ART3: variants seen among roughly 807,000 people sequenced by gnomAD.
ART3 encodes the protein ecto-ADP-ribosyltransferase 3.
Under a neutral mutation model 48.5 loss-of-function variants are expected in ART3, and 49 were observed. That is an observed-to-expected ratio of 1.01 (90% CI 0.80 to 1.28). The LOEUF (loss-of-function observed/expected upper bound fraction) is 1.28. Ranked by LOEUF, ART3 falls within the 50% of genes most tolerant of loss-of-function variation. The probability of loss-of-function intolerance (pLI) is 0.00; values close to 1 mark genes in which losing one functional copy is unlikely to be tolerated. For missense variants in ART3, 438 were observed against 454.3 expected (o/e 0.96, Z 0.33); for synonymous variants, 145 against 157.2 (o/e 0.92, Z 0.58).
intron 1 of ART3, among the ~76,000 whole-genome samples, chr4:76,064,826 T>C (rs1196585438): frequency 1.6e-5 from 2 of 127,330 alleles, no homozygotes; most frequent in Non-Finnish European, 3.2e-5. Context: ...AGTTGGAATA[T>C]TGAGTAAATT....
At chr4:76,024,282 A>T (rs1423797894) in intron 1 of ART3, among the ~76,000 whole-genome samples, 1 of 152,004 alleles carries the variant, frequency 6.6e-6, no homozygotes, top group South Asian at 2.1e-4. Context: ...TTTTTGAGGA[A>T]ATGAATTTAA....
intron 1 of ART3, among the ~76,000 whole-genome samples, chr4:76,068,624 T>A (rs60122798): frequency 0.21 from 31,197 of 151,652 alleles, 5,469 homozygotes; most frequent in African/African-American, 0.48. Context: ...TGGGGCCTAC[T>A]TGAGGGTGGA....
At chr4:76,050,084 C>T (rs7376624) in intron 1 of ART3, among the ~76,000 whole-genome samples, 91,070 of 149,418 alleles carry the variant, frequency 0.61, 28,791 homozygotes, top group East Asian at 0.94. Flanking sequence ...TGCAGACTTT[C>T]GCGGTGAGTG....
At chr4:76,100,153 T>G in intron 5 of ART3, 138 bp from the exon 6 acceptor site, 1 of 715,000 alleles carries the variant, frequency 1.4e-6, no homozygotes, top group Non-Finnish European at 2.3e-6. Context: ...CAACTTAAGT[T>G]TAGTAGGGTA....
Position 76,068,946 on chromosome 4 carries a change from T to C in ART3, c.-9-6935T>C, listed in dbSNP as rs574260471. Among the ~76,000 whole-genome samples the C allele has an allele frequency of 5.9e-5, 9 of 152,368 alleles. No individual in the cohort carries two copies. The South Asian group carries it at 1.4e-3, about 25-fold the overall frequency. Reference sequence around the variant, plus strand: ...CCTCCTTTAGCTACTCCAACCACTGTGCATGGCTTAAATAGTTTTTATTGT... The same window carrying C: ...CCTCCTTTAGCTACTCCAACCACTGCGCATGGCTTAAATAGTTTTTATTGT... On this transcript the variant is annotated intron_variant, in intron 1 of 9. Transcript: ENST00000341029.
At chr4:76,018,526 T>C (rs1257495212) in intron 1 of ART3, among the ~76,000 whole-genome samples, 1 of 152,038 alleles carries the variant, frequency 6.6e-6, no homozygotes, top group Non-Finnish European at 1.5e-5. Flanking sequence ...CTATACACCA[T>C]ACCCCCACAA....
intron 1 of ART3, among the ~76,000 whole-genome samples, chr4:76,029,845 CTG>C (rs1733715830): frequency 6.6e-6 from 1 of 152,162 alleles, no homozygotes; most frequent in Non-Finnish European, 1.5e-5. Flanking sequence ...TTTTAAGTCA[CTG>C]TGAGTGTTTG....
At chr4:76,105,036 A>G (rs1035404138) in intron 10 of ART3, among the ~76,000 whole-genome samples, 4 of 152,192 alleles carry the variant, frequency 2.6e-5, no homozygotes, top group African/African-American at 9.7e-5. Context: ...TAGTTAAATA[A>G]AGGCTCAGAG....
At position 76,107,783 on chromosome 4, in the gene ART3, C is replaced by A; in HGVS notation, c.1026C>A (p.Ile342=). The change falls in exon 11 of 12, where the codon ATC becomes ATA. Residue 342 remains isoleucine, a synonymous_variant. Coordinates refer to ENST00000355810, the MANE Select transcript of ART3 (RefSeq NM_001130016.3). ...TAGAAGATAAAAGTCAAGGAAATAT[C>A]AACAATCCTAGTAAGAAGTATCTCA... ...PLPEDKSQGN[I]NNPTPGPVPV... is the part of the protein sequence containing the mutation. The A allele has an allele frequency of 6.8e-7, 1 of 1,475,426 alleles. No homozygotes were observed. The highest frequency in any genetic ancestry group is 9.2e-7 in the Non-Finnish European group (1 of 1,084,974). The allele number at this position is 1,475,426 out of a possible 1,614,324, so 91.4% of individuals were successfully genotyped here.
chr4:76,020,111 T>G (rs1732649661), intron 1 of ART3, among the ~76,000 whole-genome samples: 1 of 149,392 alleles, frequency 6.7e-6, no homozygotes, highest in Non-Finnish European at 1.5e-5. Context: ...TCACTTCTGT[T>G]TCCTTTTTTT....
intron 8 of ART3, among the ~76,000 whole-genome samples, chr4:76,102,463 A>G (rs1727545556): frequency 1.3e-5 from 2 of 152,224 alleles, no homozygotes; most frequent in South Asian, 4.2e-4. Context: ...GGCCTCCTAT[A>G]ATTTTTATTT....
At chr4:76,099,853 T>G (rs1309066839) in intron 5 of ART3, among the ~76,000 whole-genome samples, 1 of 152,250 alleles carries the variant, frequency 6.6e-6, no homozygotes, top group Non-Finnish European at 1.5e-5. Context: ...GGTTCCAGCC[T>G]TTTTAAAACA....
At chr4:76,021,194 C>G (rs1294171334) in intron 1 of ART3, 2 of 152,086 alleles carry the variant, frequency 1.3e-5, no homozygotes, top group Non-Finnish European at 2.9e-5. Context: ...AGGAGAGTAC[C>G]TCATTTTTAT....
chr4:76,019,127 T>C (rs1207058249), intron 1 of ART3, among the ~76,000 whole-genome samples: 1 of 151,610 alleles, frequency 6.6e-6, no homozygotes, highest in Non-Finnish European at 1.5e-5. Flanking sequence ...TAAGATTCTT[T>C]GTGAAAAAAA....
At chr4:76,112,231 C>T (rs1476563308) in intron 11 of ART3, among the ~76,000 whole-genome samples, 155 bp from the exon 12 acceptor site, 1 of 152,208 alleles carries the variant, frequency 6.6e-6, no homozygotes, top group African/African-American at 2.4e-5. Flanking sequence ...TAATGAATTA[C>T]ACTTATTTGA....
chr4:76,065,102 G>A (rs1416770531), intron 1 of ART3, among the ~76,000 whole-genome samples: 1 of 152,176 alleles, frequency 6.6e-6, no homozygotes, highest in Non-Finnish European at 1.5e-5. Context: ...AAAGTGCTGG[G>A]ATCACAGGCG....
At chr4:76,099,280 G>C in intron 5 of ART3, 1 of 378,576 alleles carries the variant, frequency 2.6e-6, no homozygotes, top group Middle Eastern at 8.7e-4. Context: ...TCCAGCCTGG[G>C]TGACAGGGTG....
chr4:76,050,857 A>G (rs1305488903), intron 1 of ART3, among the ~76,000 whole-genome samples: 3 of 152,182 alleles, frequency 2.0e-5, no homozygotes, highest in Admixed American at 6.5e-5. Flanking sequence ...GTGGGCTGGC[A>G]CTGCTGGGGG....
At chr4:76,077,928 AT>A (rs1333220132) in intron 2 of ART3, among the ~76,000 whole-genome samples, 2 of 152,022 alleles carry the variant, frequency 1.3e-5, no homozygotes, top group African/African-American at 4.8e-5. Context: ...TGTGGTTTTG[AT>A]TTGGTTTTCA....
Sources: allele counts gnomAD v4.1 joint callset (sites outside exome capture counted in the v4.1 genomes callset), GRCh38; gene constraint gnomAD v4.1.1; transcripts MANE v1.5; gene names NCBI Gene and HGNC (gene_info 2026-07-23, HGNC 2026-07-21).